LAMA2: variants seen among roughly 807,000 people sequenced by gnomAD.
The protein encoded by LAMA2 is laminin subunit alpha-2.
In LAMA2, 269 loss-of-function variants were observed where a neutral mutation model predicts 364.8. The ratio of observed to expected loss-of-function variants is 0.74; its 90% CI spans 0.67 to 0.82. The LOEUF (loss-of-function observed/expected upper bound fraction) is 0.82. Ranked by LOEUF, LAMA2 falls within the 40% of genes least tolerant of loss-of-function variation. The pLI is 0.00. For synonymous variants in LAMA2, 1,379 were observed against 1,370.6 expected (o/e 1.01, Z -0.14); for missense variants, 3,807 against 3,873.2 (o/e 0.98, Z 0.45).
intron 12 of LAMA2, among the ~76,000 whole-genome samples, chr6:129,205,238 A>T (rs183735141): frequency 1.2e-4 from 18 of 151,862 alleles, no homozygotes; most frequent in African/African-American, 3.9e-4. Context: ...AAAAAATACA[A>T]AAAATTAGCT....
chr6:129,337,446 T>C (rs924314486), intron 29 of LAMA2, among the ~76,000 whole-genome samples: 1 of 152,154 alleles, frequency 6.6e-6, no homozygotes, highest in Non-Finnish European at 1.5e-5. Flanking sequence ...TTAGACTTAA[T>C]TTTCATAGCT....
intron 1 of LAMA2, among the ~76,000 whole-genome samples, chr6:128,959,235 T>C (rs1333413442): frequency 1.3e-5 from 2 of 152,236 alleles, no homozygotes; most frequent in Non-Finnish European, 2.9e-5. Flanking sequence ...TTTGGAAATC[T>C]ATTAATTGAT....
At chr6:129,006,202 A>G (rs918464724) in intron 1 of LAMA2, among the ~76,000 whole-genome samples, 1 of 152,144 alleles carries the variant, frequency 6.6e-6, no homozygotes, top group Admixed American at 6.6e-5. Flanking sequence ...AAATCTCCAA[A>G]ATGTGAGCCT....
chr6:128,943,335 G>A (rs1056745255), intron 1 of LAMA2, among the ~76,000 whole-genome samples: 3 of 151,678 alleles, frequency 2.0e-5, no homozygotes, highest in African/African-American at 7.3e-5. Flanking sequence ...ACCAGCTGGG[G>A]TGCTGTGGTG....
At chr6:129,132,062 C>T (rs80342783) in intron 4 of LAMA2, among the ~76,000 whole-genome samples, 2 of 152,064 alleles carry the variant, frequency 1.3e-5, no homozygotes, top group Non-Finnish European at 2.9e-5. Flanking sequence ...TGATCTCAAC[C>T]GCAAAAGTCA....
intron 12 of LAMA2, among the ~76,000 whole-genome samples, chr6:129,202,703 G>A (rs763164934): frequency 2.6e-5 from 4 of 152,140 alleles, no homozygotes; most frequent in Admixed American, 1.3e-4. Context: ...AAAAAACAAC[G>A]CAAGCAATCA....
intron 2 of LAMA2, among the ~76,000 whole-genome samples, chr6:129,059,468 C>T (rs1365844674): frequency 1.3e-5 from 2 of 152,140 alleles, no homozygotes; most frequent in Non-Finnish European, 2.9e-5. Context: ...TAGATTTTAA[C>T]ATTATATCTT....
At chr6:129,492,596 A>C (rs1226282944) in intron 58 of LAMA2, 113 bp downstream of exon 58, 5 of 967,250 alleles carry the variant, frequency 5.2e-6, no homozygotes, top group Non-Finnish European at 8.2e-6. Flanking sequence ...GAATTGAAAG[A>C]AATATAACCT....
At chr6:129,359,245 A>C (rs573688584) in intron 32 of LAMA2, among the ~76,000 whole-genome samples, 1 of 146,090 alleles carries the variant, frequency 6.8e-6, no homozygotes, top group South Asian at 2.1e-4. Context: ...ATAGAATTTT[A>C]TTTAATATAT....
intron 19 of LAMA2, among the ~76,000 whole-genome samples, chr6:129,290,741 A>G (rs1789635864): frequency 6.6e-6 from 1 of 152,214 alleles, no homozygotes; most frequent in African/African-American, 2.4e-5. Flanking sequence ...TCTATTTGTG[A>G]AAAGGTCACT....
chr6:128,990,319 G>T (rs1783531047), intron 1 of LAMA2, among the ~76,000 whole-genome samples: 1 of 151,966 alleles, frequency 6.6e-6, no homozygotes, highest in Admixed American at 6.5e-5. Context: ...TGGTTTAATG[G>T]GGAACCATTG....
intron 32 of LAMA2, among the ~76,000 whole-genome samples, chr6:129,358,012 C>T (rs938449981): frequency 1.3e-5 from 2 of 151,996 alleles, no homozygotes; most frequent in African/African-American, 4.8e-5. Context: ...TGCTCGTACT[C>T]ACTGCTCAAG....
intron 35 of LAMA2, among the ~76,000 whole-genome samples, chr6:129,385,651 T>C (rs1489950367): frequency 1.3e-5 from 2 of 152,196 alleles, no homozygotes; most frequent in African/African-American, 4.8e-5. Context: ...ACTATAATTT[T>C]ATAATATCTA....
intron 5 of LAMA2, among the ~76,000 whole-genome samples, chr6:129,146,319 A>C (rs931034446): frequency 1.3e-5 from 2 of 152,026 alleles, no homozygotes; most frequent in African/African-American, 4.8e-5. Context: ...TCCTTAAAAA[A>C]TAGCTGGGTA....
intron 20 of LAMA2, among the ~76,000 whole-genome samples, chr6:129,293,927 T>A (rs1026088813): frequency 1.1e-4 from 16 of 152,216 alleles, no homozygotes; most frequent in African/African-American, 3.9e-4. Flanking sequence ...ACTTCCTAGC[T>A]ATAAATTCCT....
At chr6:128,911,581 C>G (rs1171583798) in intron 1 of LAMA2, among the ~76,000 whole-genome samples, 2 of 152,216 alleles carry the variant, frequency 1.3e-5, no homozygotes, top group Non-Finnish European at 2.9e-5. Flanking sequence ...GATGGAAAAG[C>G]AGAAATCACC....
intron 1 of LAMA2, among the ~76,000 whole-genome samples, chr6:129,011,317 C>T (rs1441874313): frequency 6.6e-6 from 1 of 152,164 alleles, no homozygotes; most frequent in Non-Finnish European, 1.5e-5. Flanking sequence ...ATTTTGGTGG[C>T]AAACCTCACA....
chr6:129,031,400 G>A (rs183875410), intron 1 of LAMA2, among the ~76,000 whole-genome samples: 1 of 152,014 alleles, frequency 6.6e-6, no homozygotes, highest in Admixed American at 6.5e-5. Flanking sequence ...AGCTGGGGGT[G>A]GGGGGAATAG....
chr6:129,059,551 C>A (rs965874625), intron 2 of LAMA2, among the ~76,000 whole-genome samples: 2 of 152,158 alleles, frequency 1.3e-5, no homozygotes, highest in Non-Finnish European at 1.5e-5. Flanking sequence ...CCAGCTCATT[C>A]CCCTGCAGCC....
Sources: allele counts gnomAD v4.1 joint callset (sites outside exome capture counted in the v4.1 genomes callset), GRCh38; gene constraint gnomAD v4.1.1; transcripts MANE v1.5; gene names NCBI Gene and HGNC (gene_info 2026-07-23, HGNC 2026-07-21).